The following ERICH6B variants were observed in gnomAD, a reference collection of about 807,000 sequenced individuals.
ERICH6B encodes glutamate-rich protein 6B.
Under a neutral mutation model 80.0 loss-of-function variants are expected in ERICH6B, and 69 were observed. The ratio of observed to expected loss-of-function variants is 0.86; its 90% confidence interval spans 0.71 to 1.05. ERICH6B has a LOEUF of 1.05. Among genes scored for constraint, ERICH6B ranks in the 50% least tolerant of loss-of-function variants. ERICH6B has a pLI of 0.00. For missense variants in ERICH6B, 754 were observed against 796.1 expected, an observed-to-expected ratio of 0.95 and a Z score of 0.64; for synonymous variants, 283 against 291.9, an observed-to-expected ratio of 0.97 and a Z score of 0.31.
chr13:45,606,156 TA>T (rs1170137404), intron 2 of ERICH6B, among the ~76,000 whole-genome samples: 1 of 152,228 alleles, frequency 6.6e-6, no homozygotes, highest in Non-Finnish European at 1.5e-5. Flanking sequence ...TCCTACTTGC[TA>T]AAATGAAATT....
intron 8 of ERICH6B, among the ~76,000 whole-genome samples, chr13:45,573,666 C>G (rs1875266168): frequency 6.6e-6 from 1 of 152,204 alleles, no homozygotes; most frequent in African/African-American, 2.4e-5. Context: ...CCCTGCTCAG[C>G]CCACCTGTCC....
chr13:45,605,322 TCTC>T (rs2138033933), intron 2 of ERICH6B, among the ~76,000 whole-genome samples: 1 of 152,332 alleles, frequency 6.6e-6, no homozygotes, highest in African/African-American at 2.4e-5. Flanking sequence ...TGCTTTTTCT[TCTC>T]CTTTTATCTA....
intron 8 of ERICH6B, among the ~76,000 whole-genome samples, chr13:45,569,130 G>GC (rs549873622): frequency 1.4e-3 from 211 of 151,518 alleles, no homozygotes; most frequent in Non-Finnish European, 2.8e-3. Context: ...GTTACAAGGT[G>GC]CCTTTTTTTT....
intron 1 of ERICH6B, among the ~76,000 whole-genome samples, chr13:45,614,343 T>G (rs1432895670): frequency 6.6e-6 from 1 of 152,188 alleles, no homozygotes; most frequent in Non-Finnish European, 1.5e-5. Flanking sequence ...CTTTCTCCTA[T>G]TGCACTTCTC....
intron 14 of ERICH6B, 81 bp downstream of exon 14, chr13:45,544,679 A>T: frequency 8.1e-7 from 1 of 1,238,438 alleles, no homozygotes; most frequent in South Asian, 1.4e-5. Context: ...GGCCTGTGGC[A>T]TGGGCCAGTC....
chr13:45,568,570 C>T (rs1404618156), intron 8 of ERICH6B, 119 bp from the exon 9 acceptor site: 1 of 1,033,980 alleles, frequency 9.7e-7, no homozygotes, highest in African/African-American at 1.7e-5. Flanking sequence ...TCTAAAAATA[C>T]AAAAATGGGA....
intron 2 of ERICH6B, among the ~76,000 whole-genome samples, chr13:45,607,211 A>G (rs1949872313): frequency 6.6e-6 from 1 of 152,192 alleles, no homozygotes. Context: ...GTTTTGTGGA[A>G]AAATGAGTGT....
At chr13:45,598,718 C>T (rs1949804608) in intron 2 of ERICH6B, among the ~76,000 whole-genome samples, 1 of 152,172 alleles carries the variant, frequency 6.6e-6, no homozygotes, top group Non-Finnish European at 1.5e-5. Flanking sequence ...CAGAAGTACA[C>T]TGCCCAGATC....
chr13:45,606,034 C>T (rs1056633458), intron 2 of ERICH6B, among the ~76,000 whole-genome samples: 16 of 152,094 alleles, frequency 1.1e-4, no homozygotes, highest in African/African-American at 2.2e-4. Flanking sequence ...AGGAGATAAG[C>T]GACATATGTC....
chr13:45,600,234 T>G (rs1293256534), intron 2 of ERICH6B, among the ~76,000 whole-genome samples: 2 of 152,208 alleles, frequency 1.3e-5, no homozygotes, highest in Non-Finnish European at 2.9e-5. Context: ...AAGACAGAGC[T>G]GGGATGGCTA....
At position 45,574,668 on chromosome 13, in the gene ERICH6B, G is replaced by A. The variant is rs79421198; in HGVS notation, c.1050+174C>T. Reference sequence around the variant, plus strand: ...CCTTGGGGCTTTTCTGTCTGTGCTTGTTGGAGTTTCTGGGTTGCTGTCTTC... The same window carrying A: ...CCTTGGGGCTTTTCTGTCTGTGCTTATTGGAGTTTCTGGGTTGCTGTCTTC... On this transcript the variant is annotated intron_variant, in intron 8 of 14. Coordinates refer to ENST00000298738, the MANE Select transcript of ERICH6B (RefSeq NM_182542.3). Among the ~76,000 whole-genome samples, 345 of 152,270 alleles carry A rather than the reference G, an allele frequency of 2.3e-3. 1 individual carries two copies. Among genetic ancestry groups the A allele is most frequent in the Non-Finnish European group, 4.2e-3 (287 of 68,026 alleles).
intron 2 of ERICH6B, among the ~76,000 whole-genome samples, chr13:45,603,823 G>A (rs1244935060): frequency 1.3e-5 from 2 of 152,230 alleles, no homozygotes; most frequent in East Asian, 3.8e-4. Flanking sequence ...CATTTGTGGT[G>A]TGTGCTGTCT....
At chr13:45,551,748 T>A (rs547972955) in intron 11 of ERICH6B, 3 of 152,330 alleles carry the variant, frequency 2.0e-5, no homozygotes, top group South Asian at 4.1e-4. Context: ...ACCTCATCAG[T>A]AGATTAATAA....
rs145155109 is a variant in ERICH6B, at chr13:45,543,102, C to T, written c.1873-1422G>A. The stretch of plus-strand genomic sequence containing the variant: ...CTCCCAGGGGCCCCGGGACACCTCT[C>T]TGGTGGTGTGGGGGTCTGTAAGTGG... On this transcript the variant is annotated intron_variant, in intron 14 of 14. Transcript: ENST00000298738. 6.0e-4 allele frequency among the ~76,000 whole-genome samples: 92 copies of T among 152,294 alleles called. 1 individual carries two copies. In the East Asian group the frequency reaches 0.018, roughly 29 times the overall value.
chr13:45,580,633 G>C lies in ERICH6B; in HGVS notation c.889C>G (p.Gln297Glu). 6.4e-7 allele frequency: 1 copy of C among 1,551,662 alleles called. No homozygotes were observed. The highest frequency in any genetic ancestry group is 8.7e-7 in the Non-Finnish European group (1 of 1,146,988). The change falls in exon 6 of 15, where the codon CAA (glutamine) becomes GAA (glutamate). Residue 297 changes from glutamine (Q) to glutamate (E), a missense_variant. Coordinates refer to ENST00000298738, the MANE Select transcript of ERICH6B (RefSeq NM_182542.3). ...KSLKSKSETEQETTTKLAPEE... is the reference protein window; with the variant it reads ...KSLKSKSETEEETTTKLAPEE... Reference sequence around the variant, plus strand: ...GGAGCCAGCTTCGTGGTGGTTTCTTGCTCTGTTTCTGATTTCGATTTTAAA... The same window carrying C: ...GGAGCCAGCTTCGTGGTGGTTTCTTCCTCTGTTTCTGATTTCGATTTTAAA...
At chr13:45,547,110 A>G (rs889986787) in intron 13 of ERICH6B, among the ~76,000 whole-genome samples, 10 of 152,216 alleles carry the variant, frequency 6.6e-5, no homozygotes, top group Admixed American at 1.3e-4. Flanking sequence ...TGGGCCAGTC[A>G]CTTAACCTCT....
chr13:45,596,751 A>C lies in ERICH6B; in HGVS notation c.255T>G (p.Tyr85Ter). Residue 85 changes from tyrosine (Y) to a stop codon, truncating the protein, a stop_gained, in exon 3 of 15, where the codon TAT becomes TAG. Transcript: ENST00000298738. LOFTEE classifies it high-confidence loss of function. ...CCTCCAGATGCTCTTCCTTCCCCAG[A>C]TACTCTTCCTCCTTCAAGTATTCTT... ...GKEEYLKEEEYLGKEEHLEEE... is the reference protein window; with the variant it reads ...GKEEYLKEEE 1 of 1,551,300 alleles carries C rather than the reference A, an allele frequency of 6.4e-7. No individual in the cohort carries two copies. The highest frequency in any genetic ancestry group is 8.7e-7 in the Non-Finnish European group (1 of 1,146,944).
intron 9 of ERICH6B, among the ~76,000 whole-genome samples, chr13:45,564,376 C>A (rs541121465): frequency 6.6e-6 from 1 of 152,336 alleles, no homozygotes; most frequent in African/African-American, 2.4e-5. Flanking sequence ...GTGTGCTCTC[C>A]AGGGCAGCTG....
chr13:45,555,689 C>T (rs1004333605), intron 11 of ERICH6B, among the ~76,000 whole-genome samples: 1 of 151,910 alleles, frequency 6.6e-6, no homozygotes, highest in Non-Finnish European at 1.5e-5. Context: ...GACCCAGATC[C>T]CCGAGATGCA....
Sources: allele counts gnomAD v4.1 joint callset (sites outside exome capture counted in the v4.1 genomes callset), GRCh38; gene constraint gnomAD v4.1.1; transcripts MANE v1.5; gene names NCBI Gene and HGNC (gene_info 2026-07-23, HGNC 2026-07-21).